Variants in LRP1B observed in about 807,000 individuals in gnomAD.
LRP1B encodes the protein low-density lipoprotein receptor-related protein 1B.
LRP1B carries 217 observed loss-of-function variants against 556.6 expected under a neutral mutation model. That is an observed-to-expected ratio of 0.39 (90% CI 0.35 to 0.44). The LOEUF (loss-of-function observed/expected upper bound fraction) is 0.44, where lower values mean the gene tolerates loss of function less well. Ranked by LOEUF, LRP1B falls within the 20% of genes least tolerant of loss-of-function variation. LRP1B has a pLI of 1.00. For synonymous variants in LRP1B, 2,047 were observed against 1,865.8 expected, an observed-to-expected ratio of 1.10 and a Z score of -2.50; for missense variants, 5,053 against 5,620.8, an observed-to-expected ratio of 0.90 and a Z score of 3.23.
chr2:141,646,136 TG>T (rs1411985588), intron 2 of LRP1B, among the ~76,000 whole-genome samples: 1 of 152,162 alleles, frequency 6.6e-6, no homozygotes, highest in African/African-American at 2.4e-5. Flanking sequence ...AGTTCCTATT[TG>T]CATATAATTA....
rs548687243 is a variant in LRP1B at position 141,041,357 on chromosome 2, C to T, written c.1789+7629G>A. ...GGTCAATATCCAGGACTGGTTTCAC[C>T]GGGCTAAAGTCTAGGTGCAAGCAGA... is the stretch of plus-strand genomic sequence containing the variant. On this transcript the variant is annotated intron_variant, in intron 11 of 90. Transcript: ENST00000389484. Among the ~76,000 whole-genome samples, 295 of 152,134 alleles carry T rather than the reference C, an allele frequency of 1.9e-3. 4 individuals are homozygous for T. The highest frequency in any genetic ancestry group is 6.9e-3 in the African/African-American group (286 of 41,526).
chr2:141,848,547 C>T lies in LRP1B; in HGVS notation c.83-38146G>A, dbSNP rs139395904. ...GAATGTTATCCAGGAGAAGTGCAGCCAAAACTATACATCTTAAAAATAAAA... is the reference window on the plus strand; with the variant it reads ...GAATGTTATCCAGGAGAAGTGCAGCTAAAACTATACATCTTAAAAATAAAA... On this transcript the variant is annotated intron_variant, in intron 1 of 90. Transcript: ENST00000389484. 8.3e-4 allele frequency among the ~76,000 whole-genome samples: 125 copies of T among 151,210 alleles called. 1 individual carries two copies. Among genetic ancestry groups the T allele is most frequent in the African/African-American group, 2.9e-3 (118 of 41,372 alleles).
intron 7 of LRP1B, among the ~76,000 whole-genome samples, chr2:141,136,354 T>C (rs73962822): frequency 0.086 from 13,002 of 151,828 alleles, 969 homozygotes; most frequent in African/African-American, 0.2. Context: ...ATAATATGAA[T>C]TGCAAAGTTT....
chr2:140,417,820 A>T (rs1349492818), intron 66 of LRP1B, among the ~76,000 whole-genome samples: 2 of 152,350 alleles, frequency 1.3e-5, no homozygotes, highest in East Asian at 3.9e-4. Flanking sequence ...TGTGATTAAA[A>T]TTATCAGCAA....
In LRP1B at chr2:140,338,194, A is replaced by G. The variant is rs187483800; in HGVS notation, c.11893-2356T>C. Among the ~76,000 whole-genome samples, 269 of 151,928 alleles carry G rather than the reference A, an allele frequency of 1.8e-3. 4 individuals carry two copies. In the East Asian group the frequency reaches 0.04, roughly 23 times the overall value. ...CCCTAATGTCATTCAAGTAACAACTAAAGCAGTTAGAATATGGGGTAAAAA... is the reference window on the plus strand; with the variant it reads ...CCCTAATGTCATTCAAGTAACAACTGAAGCAGTTAGAATATGGGGTAAAAA... On this transcript the variant is annotated intron_variant, in intron 77 of 90. Transcript: ENST00000389484.
intron 2 of LRP1B, among the ~76,000 whole-genome samples, chr2:141,613,408 C>A (rs574071344): frequency 6.6e-6 from 1 of 152,082 alleles, no homozygotes; most frequent in Non-Finnish European, 1.5e-5. Flanking sequence ...TCCTAATGAG[C>A]CTGTATTTTC....
rs2105446375 is a variant in LRP1B at position 141,049,226 on chromosome 2, C to T, written c.1553-4G>A. 1 of 1,580,490 alleles carries T rather than the reference C, an allele frequency of 6.3e-7. No homozygotes were observed. The highest frequency in any genetic ancestry group is 8.7e-7 in the Non-Finnish European group (1 of 1,149,750). On this transcript the variant is annotated splice_polypyrimidine_tract_variant and splice_region_variant and intron_variant, in intron 10 of 90. Coordinates refer to ENST00000389484, the MANE Select transcript of LRP1B (RefSeq NM_018557.3). ...AGGAACAACTCATTCTTTGGTCCTGCAGAGGAAAGATTACAAACACAAACA... is the reference window on the plus strand; with the variant it reads ...AGGAACAACTCATTCTTTGGTCCTGTAGAGGAAAGATTACAAACACAAACA...
At chr2:141,581,529 A>G (rs1050370755) in intron 2 of LRP1B, among the ~76,000 whole-genome samples, 1 of 152,174 alleles carries the variant, frequency 6.6e-6, no homozygotes, top group Non-Finnish European at 1.5e-5. Context: ...CTATATTTTC[A>G]AGTTCAGCCA....
intron 7 of LRP1B, among the ~76,000 whole-genome samples, chr2:141,105,663 A>G (rs1700585809): frequency 6.6e-6 from 1 of 151,940 alleles, no homozygotes; most frequent in East Asian, 1.9e-4. Flanking sequence ...TGGAAAAGTC[A>G]TTGGATTCTT....
chr2:140,587,871 A>G (rs1382290878), intron 43 of LRP1B, among the ~76,000 whole-genome samples: 1 of 152,136 alleles, frequency 6.6e-6, no homozygotes, highest in Non-Finnish European at 1.5e-5. Context: ...TACATAGAAG[A>G]AAACAATTTT....
intron 18 of LRP1B, among the ~76,000 whole-genome samples, chr2:140,979,460 T>C (rs1696700703): frequency 6.6e-6 from 1 of 152,202 alleles, no homozygotes; most frequent in South Asian, 2.1e-4. Flanking sequence ...CTTGAAGTTA[T>C]TTGTGTCAGC....
At chr2:140,953,229 T>G (rs1261956285) in intron 18 of LRP1B, among the ~76,000 whole-genome samples, 1 of 152,142 alleles carries the variant, frequency 6.6e-6, no homozygotes, top group African/African-American at 2.4e-5. Context: ...TAGCTGGGAC[T>G]ATAGGTGCGC....
rs570000638 is a variant in LRP1B at position 140,841,126 on chromosome 2, A to G, written c.4940-34T>C. 97 of 1,471,428 alleles carry G rather than the reference A, an allele frequency of 6.6e-5. 1 individual carries two copies. In the South Asian group the frequency reaches 1.2e-3, roughly 18 times the overall value. 91.1% of individuals were successfully genotyped at this position (1,471,428 alleles called of 1,614,324 possible). On this transcript the variant is annotated intron_variant, in intron 29 of 90. Coordinates refer to ENST00000389484, the MANE Select transcript of LRP1B (RefSeq NM_018557.3). ...CAGGAAAGAGAAGATTTAAAGGTGA[A>G]TGAAGTTTTTCATTGTACTGGCTCT...
intron 7 of LRP1B, among the ~76,000 whole-genome samples, chr2:141,185,683 C>CAAAAAAAAAAAAAAAA (rs148935362): frequency 1.5e-4 from 11 of 74,318 alleles, no homozygotes; most frequent in African/African-American, 4.4e-4. Flanking sequence ...GAAAAACAAA[C>CAAAAAAAAAAAAAAAA]AAACAAAAAA....
At chr2:141,259,073 C>G (rs1353429953) in intron 3 of LRP1B, among the ~76,000 whole-genome samples, 2 of 152,130 alleles carry the variant, frequency 1.3e-5, no homozygotes, top group Non-Finnish European at 2.9e-5. Flanking sequence ...TAACAGTTTA[C>G]AAGTAATGGG....
chr2:140,913,656 T>C (rs983417448), intron 21 of LRP1B, among the ~76,000 whole-genome samples: 2 of 152,032 alleles, frequency 1.3e-5, no homozygotes, highest in African/African-American at 4.8e-5. Context: ...AGGGCATAGA[T>C]AGTAGAAGAG....
intron 66 of LRP1B, among the ~76,000 whole-genome samples, chr2:140,416,668 G>C (rs181190662): frequency 6.6e-6 from 1 of 151,798 alleles, no homozygotes. Flanking sequence ...AAAAAAACCT[G>C]TCAGTGAGTG....
intron 66 of LRP1B, among the ~76,000 whole-genome samples, chr2:140,416,828 C>T (rs184473342): frequency 2.0e-5 from 3 of 152,200 alleles, no homozygotes; most frequent in African/African-American, 7.2e-5. Context: ...TTTTATTTAC[C>T]ACATCCATCC....
At chr2:142,049,242 T>C (rs371372672) in intron 1 of LRP1B, among the ~76,000 whole-genome samples, 13 of 152,224 alleles carry the variant, frequency 8.5e-5, no homozygotes, top group Admixed American at 8.5e-4. Flanking sequence ...TTCCATATGT[T>C]GTTATATGCA....
Sources: allele counts gnomAD v4.1 joint callset (sites outside exome capture counted in the v4.1 genomes callset), GRCh38; gene constraint gnomAD v4.1.1; transcripts MANE v1.5; gene names NCBI Gene and HGNC (gene_info 2026-07-23, HGNC 2026-07-21).